Variants in GAB2 observed in about 807,000 individuals in gnomAD.
GAB2 encodes the protein GRB2-associated-binding protein 2.
Under a neutral mutation model 65.5 loss-of-function variants are expected in GAB2, and 26 were observed. The ratio of observed to expected loss-of-function variants is 0.40; its 90% CI spans 0.29 to 0.55. The LOEUF (loss-of-function observed/expected upper bound fraction) is 0.55. Ranked by LOEUF, GAB2 falls within the 20% of genes least tolerant of loss-of-function variation. The pLI, the probability that GAB2 is intolerant of heterozygous loss-of-function variation, is 0.53. For synonymous variants in GAB2, 321 were observed against 329.6 expected (o/e 0.97, Z 0.28); for missense variants, 884 against 875.8 (o/e 1.01, Z -0.12).
At chr11:78,281,752 A>C (rs1866341780) in intron 1 of GAB2, among the ~76,000 whole-genome samples, 1 of 152,248 alleles carries the variant, frequency 6.6e-6, no homozygotes, top group African/African-American at 2.4e-5. Context: ...CCCACTGTCT[A>C]GATCAGGAAG....
At chr11:78,256,429 TATCTA>T (rs991271008) in intron 2 of GAB2, among the ~76,000 whole-genome samples, 1 of 152,180 alleles carries the variant, frequency 6.6e-6, no homozygotes, top group Non-Finnish European at 1.5e-5. Context: ...TTATGTGAAA[TATCTA>T]GAAGAGGCAA....
chr11:78,323,556 T>C (rs1469347092), intron 1 of GAB2, among the ~76,000 whole-genome samples: 1 of 151,676 alleles, frequency 6.6e-6, no homozygotes, highest in Non-Finnish European at 1.5e-5. Flanking sequence ...ACACTTATAA[T>C]GTTCTCACTT....
rs1371064685 is a variant in GAB2, at chr11:78,405,133, C to G, written c.75+12513G>C. On this transcript the variant is annotated intron_variant, in intron 1 of 9. Coordinates refer to ENST00000361507, the MANE Select transcript of GAB2 (RefSeq NM_080491.3). ...TTTTTTTTTGAGATGGAGTCTAGCTCTGTCGCCCAGGCTGGAATGCAGTGG... is the reference window on the plus strand; with the variant it reads ...TTTTTTTTTGAGATGGAGTCTAGCTGTGTCGCCCAGGCTGGAATGCAGTGG... 2.4e-5 allele frequency among the ~76,000 whole-genome samples: 3 copies of G among 123,494 alleles called. No individual in the cohort carries two copies. The Admixed American group carries it at 3.1e-4, about 13-fold the overall frequency. The allele number at this position is 123,494 out of a possible 152,430, so 81.0% of individuals were successfully genotyped here. A position where few individuals can be genotyped will look rare whatever the true frequency, so the allele number is the denominator to read the frequency against.
intron 3 of GAB2, among the ~76,000 whole-genome samples, chr11:78,233,480 C>T (rs1864902359): frequency 6.6e-6 from 1 of 152,168 alleles, no homozygotes; most frequent in African/African-American, 2.4e-5. Context: ...AATCTATTCA[C>T]ATTTTTTGCC....
At chr11:78,225,228 G>A (rs751832333) in intron 4 of GAB2, 26 bp from the exon 5 acceptor site, 6 of 1,469,978 alleles carry the variant, frequency 4.1e-6, no homozygotes, top group Non-Finnish European at 5.7e-6. Context: ...GGATTCATAA[G>A]TACTCATGGT....
chr11:78,415,665 G>T (rs1857185899), intron 1 of GAB2, among the ~76,000 whole-genome samples: 1 of 152,226 alleles, frequency 6.6e-6, no homozygotes, highest in South Asian at 2.1e-4. Context: ...AAGGTACATG[G>T]AAGATGGGAA....
At chr11:78,254,779 CAG>C (rs889544324) in intron 2 of GAB2, among the ~76,000 whole-genome samples, 1 of 150,704 alleles carries the variant, frequency 6.6e-6, no homozygotes, top group Non-Finnish European at 1.5e-5. Flanking sequence ...GCCAAGATGA[CAG>C]AGTGACACCT....
Position 78,226,904 on chromosome 11 carries a change from C to A in GAB2, c.768G>T (p.Arg256=), listed in dbSNP as rs745944193. The change falls in exon 4 of 10, where the codon CGG becomes CGT. Residue 256 remains arginine (R), a synonymous_variant. Transcript: ENST00000361507. ...HGFYSLPKPS[R]HNTEFRDSTY... ...TACTGTCTCTGAATTCTGTATTGTGCCGGCTCGGCTTGGGAAGGCTATAGA... is the reference window on the plus strand; with the variant it reads ...TACTGTCTCTGAATTCTGTATTGTGACGGCTCGGCTTGGGAAGGCTATAGA... The A allele has an allele frequency of 6.2e-7, 1 of 1,614,020 alleles. No individual in the cohort carries two copies.
intron 1 of GAB2, among the ~76,000 whole-genome samples, chr11:78,302,158 A>T (rs1867040572): frequency 6.6e-6 from 1 of 152,220 alleles, no homozygotes; most frequent in Non-Finnish European, 1.5e-5. Context: ...ATGAACCCAA[A>T]AGCACAGGTA....
intron 1 of GAB2, among the ~76,000 whole-genome samples, chr11:78,284,420 G>C (rs953430432): frequency 2.0e-5 from 3 of 152,218 alleles, no homozygotes; most frequent in Middle Eastern, 3.2e-3. Context: ...TAAAGCCAAA[G>C]TCCCCACAAT....
chr11:78,360,137 G>T (rs1387139900), intron 1 of GAB2, among the ~76,000 whole-genome samples: 1 of 152,010 alleles, frequency 6.6e-6, no homozygotes, highest in East Asian at 1.9e-4. Context: ...GCCAAAAGAG[G>T]CAAAAGATTT....
At chr11:78,290,965 T>C (rs921107448) in intron 1 of GAB2, among the ~76,000 whole-genome samples, 3 of 152,074 alleles carry the variant, frequency 2.0e-5, no homozygotes. Context: ...GTTTTACAGG[T>C]CATATTTTCT....
chr11:78,402,855 C>T (rs758133115), intron 1 of GAB2, among the ~76,000 whole-genome samples: 1 of 152,184 alleles, frequency 6.6e-6, no homozygotes, highest in South Asian at 2.1e-4. Flanking sequence ...CCCCACCACC[C>T]CAATTCACAT....
intron 1 of GAB2, among the ~76,000 whole-genome samples, chr11:78,328,468 C>T (rs777561047): frequency 2.0e-5 from 3 of 152,132 alleles, no homozygotes; most frequent in Non-Finnish European, 4.4e-5. Flanking sequence ...TTAAAAATGA[C>T]ATTACAGACT....
chr11:78,322,514 G>T (rs1220570748), intron 1 of GAB2, among the ~76,000 whole-genome samples: 3 of 151,802 alleles, frequency 2.0e-5, no homozygotes, highest in Admixed American at 6.6e-5. Flanking sequence ...AGAGAGTAAA[G>T]AGACAACCTA....
intron 3 of GAB2, among the ~76,000 whole-genome samples, chr11:78,247,789 G>A (rs1024995886): frequency 1.3e-5 from 2 of 152,186 alleles, no homozygotes; most frequent in South Asian, 2.1e-4. Flanking sequence ...AAAATATATC[G>A]TCTTTCTGGA....
chr11:78,282,470 G>A (rs545776075), intron 1 of GAB2, among the ~76,000 whole-genome samples: 14 of 151,900 alleles, frequency 9.2e-5, no homozygotes, highest in African/African-American at 2.9e-4. Context: ...CACCACACCC[G>A]GCTAATTTTT....
In GAB2 at chr11:78,391,690, G is replaced by T. The variant is rs372369476; in HGVS notation, c.75+25956C>A. Among the ~76,000 whole-genome samples the T allele has an allele frequency of 5.6e-4, 85 of 152,274 alleles. No individual in the cohort carries two copies. In the South Asian group the frequency reaches 0.011, roughly 20 times the overall value. On this transcript the variant is annotated intron_variant, in intron 1 of 9. Transcript: ENST00000361507. ...AGGTATGTAAGTGATGCTTTCGGAGGATTCCAGTTCCTAGCAGTCAAGTCA... is the reference window on the plus strand; with the variant it reads ...AGGTATGTAAGTGATGCTTTCGGAGTATTCCAGTTCCTAGCAGTCAAGTCA...
chr11:78,257,289 C>T (rs1865619755), intron 2 of GAB2, among the ~76,000 whole-genome samples: 1 of 152,164 alleles, frequency 6.6e-6, no homozygotes, highest in Non-Finnish European at 1.5e-5. Flanking sequence ...TCCCTTATCT[C>T]AGTGCCCTTT....
Sources: gnomAD v4.1 joint callset for allele counts (sites outside exome capture counted in the v4.1 genomes callset) on GRCh38, gnomAD v4.1.1 for gene constraint, MANE v1.5 for transcripts, NCBI Gene and HGNC (gene_info 2026-07-23, HGNC 2026-07-21) for gene names.